PTPRM: variants seen among roughly 807,000 people sequenced by gnomAD.
The protein encoded by PTPRM is protein tyrosine phosphatase receptor type M, also known as receptor-type tyrosine-protein phosphatase mu.
A neutral mutation model predicts 186.7 loss-of-function variants in PTPRM; 47 were observed. The ratio of observed to expected loss-of-function variants is 0.25; its 90% CI spans 0.20 to 0.32. PTPRM has a LOEUF of 0.32. Ranked by LOEUF, PTPRM falls within the 10% of genes least tolerant of loss-of-function variation. PTPRM has a pLI of 1.00. For synonymous variants in PTPRM, 668 were observed against 674.9 expected, an observed-to-expected ratio of 0.99 and a Z score of 0.16; for missense variants, 1,494 against 1,865.0, an observed-to-expected ratio of 0.80 and a Z score of 3.66.
At chr18:8,307,618 A>C (rs1437877015) in intron 20 of PTPRM, among the ~76,000 whole-genome samples, 10 of 152,266 alleles carry the variant, frequency 6.6e-5, no homozygotes, top group African/African-American at 1.7e-4. Flanking sequence ...AGCCTGGCCA[A>C]CATGGTGAAA....
At chr18:7,693,201 T>G (rs2039772184) in intron 1 of PTPRM, among the ~76,000 whole-genome samples, 1 of 152,190 alleles carries the variant, frequency 6.6e-6, no homozygotes, top group African/African-American at 2.4e-5. Context: ...TACATGAATG[T>G]GTTTTTATAC....
intron 1 of PTPRM, among the ~76,000 whole-genome samples, chr18:7,764,730 C>G (rs984757622): frequency 1.3e-5 from 2 of 152,210 alleles, no homozygotes; most frequent in African/African-American, 4.8e-5. Flanking sequence ...AATCACTGCT[C>G]TAGTTTGGGA....
At chr18:7,906,998 G>A (rs1277921815) in intron 4 of PTPRM, among the ~76,000 whole-genome samples, 1 of 152,144 alleles carries the variant, frequency 6.6e-6, no homozygotes. Context: ...TGATATAGCT[G>A]CAAACAGGCC....
At chr18:8,304,347 C>G (rs1341897206) in intron 20 of PTPRM, among the ~76,000 whole-genome samples, 2 of 152,202 alleles carry the variant, frequency 1.3e-5, no homozygotes, top group Non-Finnish European at 2.9e-5. Context: ...TCACCCCAGT[C>G]CAATGCATGC....
At chr18:8,380,245 C>T in intron 28 of PTPRM, 51 bp from the exon 29 acceptor site, 2 of 1,580,924 alleles carry the variant, frequency 1.3e-6, no homozygotes, top group Non-Finnish European at 1.7e-6. Context: ...CTAGCTTCTT[C>T]TCTTCCCATT....
At chr18:7,907,277 C>T (rs2050035889) in intron 4 of PTPRM, among the ~76,000 whole-genome samples, 1 of 152,226 alleles carries the variant, frequency 6.6e-6, no homozygotes, top group Admixed American at 6.5e-5. Context: ...GTTGTTGCAC[C>T]TGTTATGGTT....
intron 1 of PTPRM, among the ~76,000 whole-genome samples, chr18:7,623,889 CA>C (rs1598556268): frequency 6.6e-6 from 1 of 152,092 alleles, no homozygotes; most frequent in East Asian, 1.9e-4. Context: ...CTTTCTGGAC[CA>C]ACCCCAGCTC....
At chr18:8,111,194 T>C (rs1363011207) in intron 11 of PTPRM, among the ~76,000 whole-genome samples, 1 of 152,258 alleles carries the variant, frequency 6.6e-6, no homozygotes, top group Non-Finnish European at 1.5e-5. Context: ...TCTTCACACA[T>C]ATCCTTATTT....
At chr18:7,610,189 C>A (rs1003390341) in intron 1 of PTPRM, among the ~76,000 whole-genome samples, 2 of 151,860 alleles carry the variant, frequency 1.3e-5, no homozygotes, top group East Asian at 1.9e-4. Flanking sequence ...GAAATTAGGG[C>A]AAACTGACAA....
At position 8,376,113 on chromosome 18, in the gene PTPRM, C is replaced by T. The variant is rs757976472; in HGVS notation, c.3239C>T (p.Pro1080Leu). The T allele has an allele frequency of 3.7e-6, 6 of 1,614,076 alleles. No homozygotes were observed. Among genetic ancestry groups the T allele is most frequent in the Non-Finnish European group, 4.2e-6 (5 of 1,180,000 alleles). Residue 1080 changes from proline (P) to leucine (L), a missense_variant, in exon 25 of 33, where the codon CCC (proline) becomes CTC (leucine). This residue lies in a region of PTPRM where 1,107 missense variants were observed against 1,350.2 expected (regional missense o/e 0.82). Coordinates refer to ENST00000580170, the MANE Select transcript of PTPRM (RefSeq NM_001105244.2). Reference sequence around the variant, plus strand: ...ACTGGCTGGCCGGATCATGGGGTCCCCTACCATGCCACCGGCCTGCTGGGA... The same window carrying T: ...ACTGGCTGGCCGGATCATGGGGTCCTCTACCATGCCACCGGCCTGCTGGGA... ...HFTGWPDHGV[P>L]YHATGLLGFV...
chr18:7,660,956 G>A (rs1391940479), intron 1 of PTPRM, among the ~76,000 whole-genome samples: 5 of 151,414 alleles, frequency 3.3e-5, no homozygotes, highest in African/African-American at 9.7e-5. Context: ...AGGTGACAGA[G>A]CAAGACTCCA....
At chr18:8,307,814 A>AAT (rs2095237922) in intron 20 of PTPRM, among the ~76,000 whole-genome samples, 2 of 151,942 alleles carry the variant, frequency 1.3e-5, no homozygotes, top group African/African-American at 4.8e-5. Flanking sequence ...CAAAAAAAAA[A>AAT]AATAAAAATA....
At chr18:7,724,222 C>G (rs2040503037) in intron 1 of PTPRM, among the ~76,000 whole-genome samples, 1 of 152,054 alleles carries the variant, frequency 6.6e-6, no homozygotes. Flanking sequence ...TCTCAAAATT[C>G]TTGTATACAC....
rs1461749717 is a variant in PTPRM at position 8,319,612 on chromosome 18, G to A, written c.2956+398G>A. 2.0e-5 allele frequency among the ~76,000 whole-genome samples: 3 copies of A among 152,210 alleles called. No individual in the cohort carries two copies. In the East Asian group the frequency reaches 5.8e-4, roughly 29 times the overall value. ...CCCCTTCTCACAGTGGTTGTGTTTA[G>A]TGGGGAAGATGTGCAGTCACCTGTA... is the stretch of plus-strand genomic sequence containing the variant. On this transcript the variant is annotated intron_variant, in intron 22 of 32. Transcript: ENST00000580170.
chr18:8,133,456 TAACTG>T (rs1444814091), intron 13 of PTPRM, among the ~76,000 whole-genome samples: 1 of 152,156 alleles, frequency 6.6e-6, no homozygotes, highest in Non-Finnish European at 1.5e-5. Flanking sequence ...TTTACCAAAA[TAACTG>T]AACTTGAGTT....
chr18:8,309,978 G>A (rs1415153817), intron 20 of PTPRM, among the ~76,000 whole-genome samples: 1 of 152,136 alleles, frequency 6.6e-6, no homozygotes, highest in East Asian at 1.9e-4. Context: ...CTATTCAGAT[G>A]GTAAACACCT....
intron 14 of PTPRM, among the ~76,000 whole-genome samples, chr18:8,211,472 C>T (rs1434854400): frequency 4.2e-5 from 6 of 141,360 alleles, no homozygotes; most frequent in African/African-American, 1.1e-4. Context: ...GGTGTGATCT[C>T]GGCTCACTGC....
chr18:7,825,347 A>G (rs1039595212), intron 2 of PTPRM, among the ~76,000 whole-genome samples: 1 of 152,176 alleles, frequency 6.6e-6, no homozygotes, highest in African/African-American at 2.4e-5. Context: ...AGACTTCGCT[A>G]TTTAATAAAT....
intron 23 of PTPRM, among the ~76,000 whole-genome samples, chr18:8,345,862 C>G (rs1275375071): frequency 6.6e-6 from 1 of 151,744 alleles, no homozygotes; most frequent in African/African-American, 2.4e-5. Flanking sequence ...TCCAAGCAGG[C>G]CAGATGTAAG....
Sources: gnomAD v4.1 joint callset for allele counts (sites outside exome capture counted in the v4.1 genomes callset) on GRCh38, gnomAD v4.1.1 for gene constraint, gnomAD v4.1.1 regional missense constraint, MANE v1.5 for transcripts, NCBI Gene and HGNC (gene_info 2026-07-23, HGNC 2026-07-21) for gene names.